Variants in FOXP1 observed in about 807,000 individuals in gnomAD.
FOXP1 encodes forkhead box P1.
FOXP1 carries 15 observed loss-of-function variants against 98.2 expected under a neutral mutation model. The ratio of observed to expected loss-of-function variants is 0.15; its 90% CI spans 0.10 to 0.24. FOXP1 has a LOEUF of 0.24. Ranked by LOEUF, FOXP1 falls within the 10% of genes least tolerant of loss-of-function variation. The pLI is 1.00. For missense variants in FOXP1, 633 were observed against 848.5 expected (o/e 0.75, Z 3.15); for synonymous variants, 371 against 314.5 (o/e 1.18, Z -1.90).
intron 5 of FOXP1, among the ~76,000 whole-genome samples, chr3:71,281,864 G>A (rs201956583): frequency 6.6e-6 from 1 of 151,532 alleles, no homozygotes; most frequent in East Asian, 1.9e-4. Context: ...ACTTTGGGAG[G>A]CCAAGGCATG....
chr3:71,473,059 G>A (rs1412425095), intron 3 of FOXP1, among the ~76,000 whole-genome samples: 1 of 152,184 alleles, frequency 6.6e-6, no homozygotes, highest in Non-Finnish European at 1.5e-5. Flanking sequence ...TAGCACTAGA[G>A]CCTGTGTCTG....
intron 19 of FOXP1, chr3:70,968,805 A>T (rs769232230): frequency 1.3e-5 from 2 of 152,220 alleles, no homozygotes; most frequent in African/African-American, 2.4e-5. Context: ...ATGGAAAGGA[A>T]GGCCTGCTGG....
chr3:71,569,848 T>C (rs987204097), intron 2 of FOXP1, among the ~76,000 whole-genome samples: 1 of 151,584 alleles, frequency 6.6e-6, no homozygotes, highest in Non-Finnish European at 1.5e-5. Context: ...AGTGGCGCGA[T>C]CTCAGCTCAC....
intron 2 of FOXP1, among the ~76,000 whole-genome samples, chr3:71,501,818 A>T (rs2107192583): frequency 6.6e-6 from 1 of 152,236 alleles, no homozygotes; most frequent in Non-Finnish European, 1.5e-5. Context: ...TACATCATCT[A>T]AGACTCATAT....
At chr3:71,490,423 A>G (rs1424627607) in intron 3 of FOXP1, among the ~76,000 whole-genome samples, 2 of 152,196 alleles carry the variant, frequency 1.3e-5, no homozygotes, top group African/African-American at 2.4e-5. Context: ...ACTTGAACCC[A>G]GGAAGTGGAG....
At chr3:71,174,572 G>A (rs2061819223) in intron 6 of FOXP1, among the ~76,000 whole-genome samples, 1 of 152,086 alleles carries the variant, frequency 6.6e-6, no homozygotes, top group Non-Finnish European at 1.5e-5. Flanking sequence ...ACAGATCATG[G>A]AAGGGTCCAC....
Position 71,336,205 on chromosome 3 carries a change from T to C in FOXP1, c.-73+22945A>G, listed in dbSNP as rs1217578728. Among the ~76,000 whole-genome samples the C allele has an allele frequency of 3.9e-5, 6 of 152,016 alleles. No homozygotes were observed. In the East Asian group the frequency reaches 5.8e-4, roughly 15 times the overall value. On this transcript the variant is annotated intron_variant, in intron 4 of 20. Coordinates refer to ENST00000649528, the MANE Select transcript of FOXP1 (RefSeq NM_001349338.3). ...ATAAAAGTTTAAAAAATGCAATAAA[T>C]TGAAATCTACTAACATGTTTAAATT... is the stretch of plus-strand genomic sequence containing the variant.
chr3:71,535,078 TAGTAATAGTGCAAA>T, intron 2 of FOXP1, among the ~76,000 whole-genome samples: 1 of 152,226 alleles, frequency 6.6e-6, no homozygotes, highest in East Asian at 1.9e-4. Context: ...GAAGAGCATT[TAGTAATAGTGCAAA>T]TGATGAGCAA....
chr3:71,143,750 A>G (rs1416043523), intron 6 of FOXP1, among the ~76,000 whole-genome samples: 1 of 152,206 alleles, frequency 6.6e-6, no homozygotes, highest in Non-Finnish European at 1.5e-5. Context: ...AATAAAATGC[A>G]TAAAGTACAT....
At chr3:71,187,023 G>C (rs983079716) in intron 6 of FOXP1, among the ~76,000 whole-genome samples, 2 of 152,260 alleles carry the variant, frequency 1.3e-5, no homozygotes, top group Non-Finnish European at 2.9e-5. Context: ...TGTTTCAACA[G>C]AACTTTTATT....
chr3:71,499,842 A>G (rs1437497525), intron 2 of FOXP1, among the ~76,000 whole-genome samples: 1 of 152,268 alleles, frequency 6.6e-6, no homozygotes, highest in Non-Finnish European at 1.5e-5. Flanking sequence ...GCTGCAAAAA[A>G]AGGTATGTGT....
rs1499893 is a variant in FOXP1, at chr3:71,581,676, T to C, written c.-425A>G. ...CTCGCTCGCTCGCCGCGCGCTCTCTTCCTCTTACAAACTTTCGGGTTCTGC... is the reference window on the plus strand; with the variant it reads ...CTCGCTCGCTCGCCGCGCGCTCTCTCCCTCTTACAAACTTTCGGGTTCTGC... On this transcript the variant is annotated 5_prime_UTR_variant, in exon 2 of 21. Coordinates refer to ENST00000649528, the MANE Select transcript of FOXP1 (RefSeq NM_001349338.3). 1.4e-3 allele frequency: 1,413 copies of C among 985,738 alleles called. 1 individual carries two copies. Among genetic ancestry groups the C allele is most frequent in the Non-Finnish European group, 1.6e-3 (1,318 of 830,078 alleles). 61.1% of individuals were successfully genotyped at this position (985,738 alleles called of 1,614,324 possible). A position where few individuals can be genotyped will look rare whatever the true frequency, so the allele number is the denominator to read the frequency against.
chr3:71,460,102 T>G (rs2087903458), intron 3 of FOXP1, among the ~76,000 whole-genome samples: 1 of 151,656 alleles, frequency 6.6e-6, no homozygotes, highest in South Asian at 2.1e-4. Flanking sequence ...CACGGCTAAT[T>G]TTTTCTATTT....
chr3:71,249,590 T>C (rs2068026264), intron 5 of FOXP1, among the ~76,000 whole-genome samples: 1 of 152,178 alleles, frequency 6.6e-6, no homozygotes, highest in African/African-American at 2.4e-5. Flanking sequence ...CTGAGACACC[T>C]GATCCTTGGA....
chr3:71,462,879 C>T (rs1326510993), intron 3 of FOXP1, among the ~76,000 whole-genome samples: 2 of 152,208 alleles, frequency 1.3e-5, no homozygotes, highest in Non-Finnish European at 2.9e-5. Flanking sequence ...AGGCTGGTCA[C>T]CCCAGGTCTT....
At position 71,198,253 on chromosome 3, in the gene FOXP1, G is replaced by C. The variant is rs774745233; in HGVS notation, c.129C>G (p.Ala43=). 2 of 1,614,112 alleles carry C rather than the reference G, an allele frequency of 1.2e-6. No individual in the cohort carries two copies. Among genetic ancestry groups the C allele is most frequent in the South Asian group, 2.2e-5 (2 of 91,086 alleles). Residue 43 remains alanine, a synonymous_variant, in exon 6 of 21, where the codon GCC becomes GCG. Coordinates refer to ENST00000649528, the MANE Select transcript of FOXP1 (RefSeq NM_001349338.3). ...CGAGGTCAGCTGCCCCGATGTCCACGGCCGGCGTCTCTCCGTTGGACCGCC... is the reference window on the plus strand; with the variant it reads ...CGAGGTCAGCTGCCCCGATGTCCACCGCCGGCGTCTCTCCGTTGGACCGCC... ...REGRSNGETP[A]VDIGAADLAH...
At chr3:71,145,712 T>C (rs547486985) in intron 6 of FOXP1, among the ~76,000 whole-genome samples, 1 of 152,346 alleles carries the variant, frequency 6.6e-6, no homozygotes, top group East Asian at 1.9e-4. Context: ...TGTATAGTGG[T>C]ATCGCATCCT....
chr3:71,187,524 A>G (rs1416153831), intron 6 of FOXP1, among the ~76,000 whole-genome samples: 1 of 152,212 alleles, frequency 6.6e-6, no homozygotes. Flanking sequence ...CAAAGGCTGC[A>G]GTGAGCTGAG....
intron 2 of FOXP1, among the ~76,000 whole-genome samples, chr3:71,518,222 T>C (rs1254978732): frequency 6.6e-6 from 1 of 152,184 alleles, no homozygotes; most frequent in Admixed American, 6.5e-5. Context: ...CAGCCCCAGC[T>C]GGACCAAATG....
Sources: allele counts gnomAD v4.1 joint callset (sites outside exome capture counted in the v4.1 genomes callset), GRCh38; gene constraint gnomAD v4.1.1; transcripts MANE v1.5; gene names NCBI Gene and HGNC (gene_info 2026-07-23, HGNC 2026-07-21).